Variants in DCC observed in about 807,000 individuals in gnomAD.
DCC encodes the protein DCC netrin 1 receptor.
In DCC, 58 loss-of-function variants were observed where a neutral mutation model predicts 172.5. That is an observed-to-expected ratio of 0.34 (90% CI 0.27 to 0.42). The LOEUF is 0.42. DCC is among the 10% of genes least tolerant of loss of function. The probability of loss-of-function intolerance (pLI) is 1.00; values close to 1 mark genes in which losing one functional copy is unlikely to be tolerated. For missense variants in DCC, 1,740 were observed against 1,791.0 expected, an observed-to-expected ratio of 0.97 and a Z score of 0.51; for synonymous variants, 709 against 644.5, an observed-to-expected ratio of 1.10 and a Z score of -1.52.
At chr18:52,677,670 T>C (rs1252009334) in intron 1 of DCC, among the ~76,000 whole-genome samples, 2 of 152,088 alleles carry the variant, frequency 1.3e-5, no homozygotes, top group Non-Finnish European at 2.9e-5. Context: ...GAATGAGATA[T>C]CTATGACAGA....
chr18:52,366,905 A>C (rs1984890170), intron 1 of DCC, among the ~76,000 whole-genome samples: 1 of 151,994 alleles, frequency 6.6e-6, no homozygotes, highest in Admixed American at 6.5e-5. Flanking sequence ...GTGCGCTCGC[A>C]CTCCTCAGCC....
At chr18:52,752,998 C>CATATATAT (rs201753969) in intron 2 of DCC, among the ~76,000 whole-genome samples, 4 of 147,730 alleles carry the variant, frequency 2.7e-5, no homozygotes, top group African/African-American at 1.1e-4. Flanking sequence ...TACACACACA[C>CATATATAT]ACATATATAT....
intron 2 of DCC, among the ~76,000 whole-genome samples, chr18:52,800,914 A>T (rs2037972667): frequency 6.6e-6 from 1 of 152,148 alleles, no homozygotes; most frequent in African/African-American, 2.4e-5. Flanking sequence ...ATAATTATGC[A>T]CCTACTATAA....
intron 1 of DCC, among the ~76,000 whole-genome samples, chr18:52,386,893 T>G (rs1284001595): frequency 6.6e-6 from 1 of 152,078 alleles, no homozygotes; most frequent in Non-Finnish European, 1.5e-5. Context: ...CTCTCCAGTC[T>G]AGTACCTATT....
At chr18:52,803,429 ATTAG>A (rs759213418) in intron 2 of DCC, among the ~76,000 whole-genome samples, 17 of 152,290 alleles carry the variant, frequency 1.1e-4, no homozygotes, top group African/African-American at 3.4e-4. Flanking sequence ...TTATGCATTT[ATTAG>A]TTAATGCTGC....
intron 1 of DCC, among the ~76,000 whole-genome samples, chr18:52,495,568 T>C (rs528965394): frequency 6.6e-5 from 10 of 152,278 alleles, no homozygotes; most frequent in Admixed American, 1.3e-4. Context: ...TTCCTACTTT[T>C]CTAGTTCATC....
At chr18:53,306,651 T>C (rs1035801785) in intron 13 of DCC, among the ~76,000 whole-genome samples, 1 of 152,326 alleles carries the variant, frequency 6.6e-6, no homozygotes, top group East Asian at 1.9e-4. Flanking sequence ...TCCCAGGCAG[T>C]CCCCAGTGAA....
In DCC at chr18:52,548,259, G is replaced by A. The variant is rs2032669991; in HGVS notation, c.92-203795G>A. Among the ~76,000 whole-genome samples, 3 of 151,962 alleles carry A rather than the reference G, an allele frequency of 2.0e-5. No homozygotes were observed. In the South Asian group the frequency reaches 6.2e-4, roughly 32 times the overall value. ...CACTTTCTTAACCATCCTTAATATA[G>A]GCCAATATTCCAAATAAGTTGTGAA... On this transcript the variant is annotated intron_variant, in intron 1 of 28. Coordinates refer to ENST00000442544, the MANE Select transcript of DCC (RefSeq NM_005215.4).
In DCC at chr18:53,450,566, T is replaced by C; in HGVS notation, c.3296T>C (p.Leu1099Pro). The change falls in exon 23 of 29, where the codon CTT (leucine) becomes CCT (proline). Residue 1099 changes from leucine to proline, a missense_variant. Around this residue, in one of 2 missense-constraint regions of DCC, gnomAD observed 1,732 missense variants for 1,767.4 expected, o/e 0.98. Transcript: ENST00000442544. ...SVTPQKNSNL[L>P]VIIVVTVGVI... is the part of the protein sequence containing the mutation. ...ACTCCTCAGAAGAACAGCAACCTGCTTGTGATCATTGTGGTCACCGTTGGT... is the reference window on the plus strand; with the variant it reads ...ACTCCTCAGAAGAACAGCAACCTGCCTGTGATCATTGTGGTCACCGTTGGT... The C allele has an allele frequency of 6.2e-7, 1 of 1,614,056 alleles. No homozygotes were observed. Among genetic ancestry groups the C allele is most frequent in the Non-Finnish European group, 8.5e-7 (1 of 1,179,972 alleles).
chr18:53,159,008 A>AAAAAAAG (rs34406723), intron 8 of DCC, among the ~76,000 whole-genome samples: 20,110 of 117,092 alleles, frequency 0.17, 3,027 homozygotes, highest in East Asian at 0.37. Context: ...AAAAAAAAGA[A>AAAAAAAG]GAAGATGTAG....
intron 8 of DCC, among the ~76,000 whole-genome samples, chr18:53,161,501 C>G (rs1298492665): frequency 2.0e-5 from 3 of 152,178 alleles, no homozygotes; most frequent in African/African-American, 7.2e-5. Context: ...ACTTTATATT[C>G]TGTGAACATG....
At chr18:53,030,032 G>A (rs1011173993) in intron 5 of DCC, among the ~76,000 whole-genome samples, 5 of 152,180 alleles carry the variant, frequency 3.3e-5, no homozygotes, top group Admixed American at 6.5e-5. Context: ...TTCTGGTTTA[G>A]ATAAATGTTA....
chr18:53,114,446 TCAGTATAAAG>T (rs2043381183), intron 7 of DCC, among the ~76,000 whole-genome samples: 1 of 151,578 alleles, frequency 6.6e-6, no homozygotes, highest in African/African-American at 2.4e-5. Flanking sequence ...ATAGAGTATC[TCAGTATAAAG>T]CAAACTCAAA....
intron 1 of DCC, among the ~76,000 whole-genome samples, chr18:52,362,322 G>A (rs1258151931): frequency 1.3e-5 from 2 of 152,162 alleles, no homozygotes; most frequent in African/African-American, 2.4e-5. Flanking sequence ...CTTGGAGCTG[G>A]GAAGTCACAG....
At chr18:52,868,833 A>C (rs1425696762) in intron 2 of DCC, among the ~76,000 whole-genome samples, 1 of 152,228 alleles carries the variant, frequency 6.6e-6, no homozygotes, top group Non-Finnish European at 1.5e-5. Context: ...CATGGGGTCC[A>C]GCCACTGCAC....
At chr18:53,374,943 G>A (rs12957114) in intron 15 of DCC, among the ~76,000 whole-genome samples, 31,426 of 152,114 alleles carry the variant, frequency 0.21, 3,522 homozygotes, top group Middle Eastern at 0.33. Context: ...TTCAAAGAGA[G>A]TGTAAACCAT....
chr18:53,088,704 T>C (rs1302051075), intron 7 of DCC, among the ~76,000 whole-genome samples: 4 of 152,320 alleles, frequency 2.6e-5, no homozygotes, highest in African/African-American at 7.2e-5. Flanking sequence ...AAGAATCAAA[T>C]AGACGCAATA....
At chr18:53,397,907 G>GA (rs1352881669) in intron 18 of DCC, among the ~76,000 whole-genome samples, 15 of 152,318 alleles carry the variant, frequency 9.8e-5, no homozygotes, top group Middle Eastern at 3.4e-3. Context: ...CTGGATATGG[G>GA]AAGGAGTTTC....
At chr18:53,186,168 A>G (rs1488409528) in intron 9 of DCC, among the ~76,000 whole-genome samples, 2 of 152,186 alleles carry the variant, frequency 1.3e-5, no homozygotes, top group Non-Finnish European at 2.9e-5. Context: ...TAGAAAATTT[A>G]TCTGCTTCAT....
Sources: allele counts gnomAD v4.1 joint callset (sites outside exome capture counted in the v4.1 genomes callset), GRCh38; gene constraint gnomAD v4.1.1; regional missense constraint gnomAD v4.1.1; transcripts MANE v1.5; gene names NCBI Gene and HGNC (gene_info 2026-07-23, HGNC 2026-07-21).